PADI3: variants seen among roughly 807,000 people sequenced by gnomAD.
The protein encoded by PADI3 is peptidyl arginine deiminase 3.
In PADI3, 53 loss-of-function variants were observed where a neutral mutation model predicts 71.5. The ratio of observed to expected loss-of-function variants is 0.74; its 90% CI spans 0.59 to 0.93. PADI3 has a LOEUF of 0.93. PADI3 is among the 40% of genes least tolerant of loss of function. PADI3 has a pLI of 0.00. For missense variants in PADI3, 821 were observed against 868.0 expected, an observed-to-expected ratio of 0.95 and a Z score of 0.68; for synonymous variants, 361 against 347.5, an observed-to-expected ratio of 1.04 and a Z score of -0.43.
intron 1 of PADI3, 71 bp downstream of exon 1, chr1:17,249,300 T>C: frequency 1.6e-6 from 2 of 1,271,416 alleles, no homozygotes; most frequent in South Asian, 2.4e-5. Context: ...CCCTGCAGGC[T>C]GGGCAGGGCT....
rs2073323376 is a variant in PADI3, at chr1:17,275,861, A to G, written c.1308-658A>G. On this transcript the variant is annotated intron_variant, in intron 11 of 15. Transcript: ENST00000375460. The stretch of plus-strand genomic sequence containing the variant: ...AGAGGAAGCTGGACCATGCCCTTAG[A>G]TACATTTTCGTAAAAATTGAACATG... Among the ~76,000 whole-genome samples, 3 of 152,310 alleles carry G rather than the reference A, an allele frequency of 2.0e-5. 1 individual carries two copies. The South Asian group carries it at 6.2e-4, about 32-fold the overall frequency.
intron 9 of PADI3, among the ~76,000 whole-genome samples, chr1:17,272,762 T>G (rs145367155): frequency 2.0e-5 from 3 of 152,132 alleles, no homozygotes; most frequent in African/African-American, 7.2e-5. Flanking sequence ...CCTCCCAAAG[T>G]GCTGGGATTA....
intron 2 of PADI3, among the ~76,000 whole-genome samples, chr1:17,261,894 A>G (rs983372262): frequency 1.3e-5 from 2 of 152,246 alleles, no homozygotes; most frequent in African/African-American, 2.4e-5. Context: ...CTTGTCAAAA[A>G]TCACAGAGTA....
chr1:17,271,734 G>A (rs2073254972), intron 9 of PADI3, among the ~76,000 whole-genome samples: 1 of 150,984 alleles, frequency 6.6e-6, no homozygotes, highest in Non-Finnish European at 1.5e-5. Flanking sequence ...TGTAGTCCCA[G>A]CTACTCTGGA....
chr1:17,281,742 C>T (rs772068746), intron 15 of PADI3, among the ~76,000 whole-genome samples: 2 of 152,204 alleles, frequency 1.3e-5, no homozygotes, highest in East Asian at 1.9e-4. Flanking sequence ...CGGAAGCCAC[C>T]GTGCTTGGCC....
At chr1:17,264,331 TACAC>T (rs60223695) in intron 3 of PADI3, among the ~76,000 whole-genome samples, 5,738 of 148,118 alleles carry the variant, frequency 0.039, 130 homozygotes, top group Middle Eastern at 0.079. Context: ...AAAGCATATG[TACAC>T]ACACACACAC....
At chr1:17,264,415 A>G (rs904987770) in intron 3 of PADI3, among the ~76,000 whole-genome samples, 8 of 152,142 alleles carry the variant, frequency 5.3e-5, no homozygotes, top group African/African-American at 1.2e-4. Flanking sequence ...ACCCAAGAGT[A>G]GCCCAAGAAA....
At chr1:17,249,298 G>C (rs898944590) in intron 1 of PADI3, 69 bp downstream of exon 1, 13 of 1,275,690 alleles carry the variant, frequency 1.0e-5, no homozygotes, top group African/African-American at 1.5e-5. Flanking sequence ...CTCCCTGCAG[G>C]CTGGGCAGGG....
intron 10 of PADI3, among the ~76,000 whole-genome samples, chr1:17,273,964 A>AGT (rs1048586342): frequency 1.4e-4 from 22 of 152,182 alleles, no homozygotes; most frequent in African/African-American, 5.1e-4. Flanking sequence ...GCATGGAGGG[A>AGT]GTGTGTGTGC....
intron 7 of PADI3, 36 bp downstream of exon 7, chr1:17,270,447 G>A (rs780619071): frequency 7.0e-6 from 11 of 1,579,512 alleles, no homozygotes; most frequent in Non-Finnish European, 6.9e-6. Context: ...AGCTCCACTC[G>A]GGACCAGCCT....
chr1:17,253,926 C>T (rs1349629563), intron 1 of PADI3, among the ~76,000 whole-genome samples: 1 of 152,234 alleles, frequency 6.6e-6, no homozygotes, highest in African/African-American at 2.4e-5. Context: ...AATTTCCACT[C>T]ATGGAGGCCT....
chr1:17,268,098 C>T (rs1420722769), intron 6 of PADI3, 136 bp downstream of exon 6: 2 of 933,756 alleles, frequency 2.1e-6, no homozygotes, highest in Non-Finnish European at 3.3e-6. Flanking sequence ...TGGCGGGTCG[C>T]AGTAAGAACA....
intron 7 of PADI3, 74 bp downstream of exon 7, chr1:17,270,485 CAA>C (rs66624969): frequency 4.4e-3 from 4,384 of 1,003,330 alleles, no homozygotes; most frequent in South Asian, 4.7e-3. Context: ...CCCATCTCTA[CAA>C]AAAAAAAAAA....
chr1:17,258,304 C>T (rs865853147), intron 1 of PADI3, among the ~76,000 whole-genome samples: 4 of 152,208 alleles, frequency 2.6e-5, no homozygotes, highest in African/African-American at 9.7e-5. Flanking sequence ...ATCTGGCTGC[C>T]CTGGACAATG....
chr1:17,273,780 C>T lies in PADI3; in HGVS notation c.1155+333C>T, dbSNP rs561045893. Among the ~76,000 whole-genome samples the T allele has an allele frequency of 3.3e-5, 5 of 152,218 alleles. No individual in the cohort carries two copies. In the East Asian group the frequency reaches 9.7e-4, roughly 29 times the overall value. On this transcript the variant is annotated intron_variant, in intron 10 of 15. Transcript: ENST00000375460. ...TAAATAGGGGAGGCAGGATGGTGCACCTGTTCAGAGCACAAGCTTTAGGGT... is the reference window on the plus strand; with the variant it reads ...TAAATAGGGGAGGCAGGATGGTGCATCTGTTCAGAGCACAAGCTTTAGGGT...
At chr1:17,275,818 A>G (rs1261297844) in intron 11 of PADI3, among the ~76,000 whole-genome samples, 11 of 152,256 alleles carry the variant, frequency 7.2e-5, no homozygotes, top group Admixed American at 7.2e-4. Flanking sequence ...CTGCCCTCAA[A>G]TACATAATCC....
In PADI3 at chr1:17,280,778, G is replaced by T. The variant is rs142026875; in HGVS notation, c.1743G>T (p.Thr581=). 3.1e-6 allele frequency: 5 copies of T among 1,614,052 alleles called. No homozygotes were observed. In the Admixed American group the frequency reaches 8.3e-5, roughly 27 times the overall value. ...TCAAGACCGAGAGGAAAAAAGCAAC[G>T]GCCTTCTTCCCTGACTTGGTGAGGG... The part of the protein sequence containing the change: ...QLFKTERKKA[T]AFFPDLVNML... The change falls in exon 15 of 16, where the codon ACG becomes ACT. Residue 581 remains threonine, a synonymous_variant. Coordinates refer to ENST00000375460, the MANE Select transcript of PADI3 (RefSeq NM_016233.2).
intron 5 of PADI3, 125 bp from the exon 6 acceptor site, chr1:17,267,712 A>T (rs1373075841): frequency 8.9e-7 from 1 of 1,128,174 alleles, no homozygotes; most frequent in Admixed American, 2.3e-5. Context: ...CAGGGTTTTC[A>T]CAAAGCTAGG....
At chr1:17,277,442 G>A (rs1458352184) in intron 13 of PADI3, among the ~76,000 whole-genome samples, 1 of 152,150 alleles carries the variant, frequency 6.6e-6, no homozygotes, top group Non-Finnish European at 1.5e-5. Flanking sequence ...TGATCAGCCC[G>A]CCTCGGCCTC....
Sources: gnomAD v4.1 joint callset for allele counts (sites outside exome capture counted in the v4.1 genomes callset) on GRCh38, gnomAD v4.1.1 for gene constraint, MANE v1.5 for transcripts, NCBI Gene and HGNC (gene_info 2026-07-23, HGNC 2026-07-21) for gene names.